Variants in ASIC2 observed in about 807,000 individuals in gnomAD.
The protein encoded by ASIC2 is acid sensing ion channel subunit 2.
In ASIC2, 25 loss-of-function variants were observed where a neutral mutation model predicts 57.3. That is an observed-to-expected ratio of 0.44 (90% CI 0.32 to 0.61). The LOEUF (loss-of-function observed/expected upper bound fraction) is 0.61. Among genes scored for constraint, ASIC2 ranks in the 20% least tolerant of loss-of-function variants. The pLI is 0.06. For missense variants in ASIC2, 641 were observed against 738.1 expected (o/e 0.87, Z 1.52); for synonymous variants, 319 against 307.5 (o/e 1.04, Z -0.39).
intron 2 of ASIC2, among the ~76,000 whole-genome samples, chr17:33,110,261 C>T (rs951480740): frequency 1.2e-4 from 18 of 152,208 alleles, no homozygotes; most frequent in Non-Finnish European, 1.9e-4. Flanking sequence ...AGAAGGGCCT[C>T]TCTTTGGGGA....
At chr17:33,704,813 C>T (rs1439157915) in intron 1 of ASIC2, among the ~76,000 whole-genome samples, 1 of 152,136 alleles carries the variant, frequency 6.6e-6, no homozygotes, top group Non-Finnish European at 1.5e-5. Flanking sequence ...AACTTGGATG[C>T]TCTAACCTGG....
At chr17:33,438,357 C>T (rs1911701786) in intron 1 of ASIC2, among the ~76,000 whole-genome samples, 1 of 152,148 alleles carries the variant, frequency 6.6e-6, no homozygotes, top group Non-Finnish European at 1.5e-5. Flanking sequence ...AACAAAGCTT[C>T]GTTACATAGA....
At chr17:34,122,322 G>A (rs906834532) in intron 1 of ASIC2, among the ~76,000 whole-genome samples, 27 of 152,276 alleles carry the variant, frequency 1.8e-4, no homozygotes, top group Admixed American at 1.6e-3. Flanking sequence ...ACAAGGGAGC[G>A]AGGGTCCAGC....
Position 33,739,198 on chromosome 17 carries a change from A to G in ASIC2, c.555+416780T>C, listed in dbSNP as rs1335230270. Among the ~76,000 whole-genome samples the G allele has an allele frequency of 2.6e-5, 4 of 152,372 alleles. No homozygotes were observed. The East Asian group carries it at 7.7e-4, about 29-fold the overall frequency. On this transcript the variant is annotated intron_variant, in intron 1 of 9. Coordinates refer to the ASIC2 transcript ENST00000359872. ...GTTTATATGACAAATGAATAAATAG[A>G]GATTGAAATCTGTGTCAGGCAAGAA... is the stretch of plus-strand genomic sequence containing the variant.
At chr17:33,965,625 C>T (rs1228204104) in intron 1 of ASIC2, among the ~76,000 whole-genome samples, 9 of 152,174 alleles carry the variant, frequency 5.9e-5, no homozygotes, top group Non-Finnish European at 1.3e-4. Flanking sequence ...GAAATAGGTA[C>T]TCTTTTTCTT....
intron 1 of ASIC2, among the ~76,000 whole-genome samples, chr17:33,407,040 T>C (rs1910497270): frequency 2.6e-5 from 4 of 152,258 alleles, no homozygotes. Flanking sequence ...TACCATTTTC[T>C]AGCCATGTAA....
intron 1 of ASIC2, among the ~76,000 whole-genome samples, chr17:33,726,978 T>A (rs1409137100): frequency 6.6e-6 from 1 of 152,180 alleles, no homozygotes; most frequent in Non-Finnish European, 1.5e-5. Context: ...GGAAAATTAG[T>A]ATAAATATTC....
intron 1 of ASIC2, among the ~76,000 whole-genome samples, chr17:34,028,184 T>C (rs1907450481): frequency 6.6e-6 from 1 of 152,082 alleles, no homozygotes; most frequent in African/African-American, 2.4e-5. Flanking sequence ...CCCCCCAGCC[T>C]TAGAAGCAGA....
chr17:33,818,716 T>C (rs765704824), intron 1 of ASIC2, among the ~76,000 whole-genome samples: 3 of 152,188 alleles, frequency 2.0e-5, no homozygotes, highest in Admixed American at 1.3e-4. Flanking sequence ...AGTGCTGAGA[T>C]TGAGAAACCC....
chr17:34,144,549 T>C (rs1025399568), intron 1 of ASIC2, among the ~76,000 whole-genome samples: 2 of 152,218 alleles, frequency 1.3e-5, no homozygotes, highest in African/African-American at 4.8e-5. Context: ...ACAGCTGACA[T>C]TCCACATCTG....
At chr17:33,320,512 G>T (rs2142214901) in intron 1 of ASIC2, among the ~76,000 whole-genome samples, 1 of 152,312 alleles carries the variant, frequency 6.6e-6, no homozygotes, top group South Asian at 2.1e-4. Flanking sequence ...GGAGCCAGTT[G>T]GAGACAGAGC....
At chr17:33,303,354 G>C (rs1906037307) in intron 1 of ASIC2, among the ~76,000 whole-genome samples, 1 of 152,160 alleles carries the variant, frequency 6.6e-6, no homozygotes, top group African/African-American at 2.4e-5. Context: ...TTCCGAGCTT[G>C]GGTGTAATGT....
chr17:33,013,840 G>T lies in ASIC2; in HGVS notation c.*125C>A. ...GAGGTCTAGGCAGCTAGTCTGCAAT[G>T]TGTGCATAGGGGGCTCTTGCTTCTT... On this transcript the variant is annotated 3_prime_UTR_variant, in exon 10 of 10. Coordinates refer to ENST00000225823, the MANE Select transcript of ASIC2 (RefSeq NM_183377.2). 1.2e-6 allele frequency: 1 copy of T among 825,864 alleles called. No homozygotes were observed. Among genetic ancestry groups the T allele is most frequent in the Non-Finnish European group, 2.0e-6 (1 of 504,402 alleles). 51.2% of individuals were successfully genotyped at this position (825,864 alleles called of 1,614,324 possible). A position where few individuals can be genotyped will look rare whatever the true frequency, so the allele number is the denominator to read the frequency against.
At chr17:33,982,841 A>G (rs1241144928) in intron 1 of ASIC2, among the ~76,000 whole-genome samples, 1 of 152,196 alleles carries the variant, frequency 6.6e-6, no homozygotes, top group Non-Finnish European at 1.5e-5. Flanking sequence ...GAACCTCAAT[A>G]TATGTGTGTA....
At chr17:33,712,636 C>CG in intron 1 of ASIC2, among the ~76,000 whole-genome samples, 1 of 63,592 alleles carries the variant, frequency 1.6e-5, no homozygotes, top group Admixed American at 2.3e-4. Flanking sequence ...ACTCATATGG[C>CG]TTTTTTTTTT....
chr17:34,017,399 C>T (rs1365364677), intron 1 of ASIC2, among the ~76,000 whole-genome samples: 1 of 152,148 alleles, frequency 6.6e-6, no homozygotes. Flanking sequence ...CCCTGACACC[C>T]AACAATATTG....
chr17:33,845,554 T>C (rs1452916385), intron 1 of ASIC2, among the ~76,000 whole-genome samples: 1 of 152,126 alleles, frequency 6.6e-6, no homozygotes, highest in East Asian at 1.9e-4. Flanking sequence ...AGGCTGTTCA[T>C]TGAATCTCTC....
intron 1 of ASIC2, among the ~76,000 whole-genome samples, chr17:34,122,766 A>G (rs1161098517): frequency 6.6e-6 from 1 of 152,184 alleles, no homozygotes; most frequent in Non-Finnish European, 1.5e-5. Context: ...GGAGGCAAAG[A>G]CCAATTAAAA....
chr17:34,012,049 T>TCCTC (rs1446788729), intron 1 of ASIC2, among the ~76,000 whole-genome samples: 1 of 152,076 alleles, frequency 6.6e-6, no homozygotes, highest in Non-Finnish European at 1.5e-5. Flanking sequence ...CCTCCCTCCT[T>TCCTC]CCTCCCTCCC....
Sources: gnomAD v4.1 joint callset for allele counts (sites outside exome capture counted in the v4.1 genomes callset) on GRCh38, gnomAD v4.1.1 for gene constraint, MANE v1.5 for transcripts, NCBI Gene and HGNC (gene_info 2026-07-23, HGNC 2026-07-21) for gene names.